The following CTNNA2 variants were observed in gnomAD, a reference collection of about 807,000 sequenced individuals.
The protein encoded by CTNNA2 is catenin alpha-2.
In CTNNA2, 42 loss-of-function variants were observed where a neutral mutation model predicts 101.0. The ratio of observed to expected loss-of-function variants is 0.42; its 90% CI spans 0.32 to 0.54. The LOEUF is 0.54. Ranked by LOEUF, CTNNA2 falls within the 20% of genes least tolerant of loss-of-function variation. CTNNA2 has a pLI of 0.14. For synonymous variants in CTNNA2, 450 were observed against 456.4 expected (o/e 0.99, Z 0.18); for missense variants, 871 against 1,223.1 (o/e 0.71, Z 4.29).
At chr2:80,459,932 C>A (rs1177390536) in intron 9 of CTNNA2, among the ~76,000 whole-genome samples, 1 of 152,190 alleles carries the variant, frequency 6.6e-6, no homozygotes, top group Non-Finnish European at 1.5e-5. Flanking sequence ...TCATAGTGTT[C>A]AATTTCCTGG....
chr2:79,246,430 T>C (rs1315361518), intron 2 of CTNNA2, among the ~76,000 whole-genome samples: 2 of 152,224 alleles, frequency 1.3e-5, no homozygotes, highest in Non-Finnish European at 2.9e-5. Context: ...GCATTTTCTG[T>C]ATATGATAGG....
chr2:79,586,541 C>G (rs1676503697), intron 1 of CTNNA2, among the ~76,000 whole-genome samples: 1 of 148,808 alleles, frequency 6.7e-6, no homozygotes, highest in South Asian at 2.1e-4. Context: ...TTTTTTAGCA[C>G]TTTTTCTTTT....
At chr2:80,609,935 C>G (rs577745051) in intron 17 of CTNNA2, among the ~76,000 whole-genome samples, 2 of 151,754 alleles carry the variant, frequency 1.3e-5, no homozygotes, top group South Asian at 4.1e-4. Flanking sequence ...TAGTCCAAAC[C>G]ATCACTGGCT....
chr2:79,382,904 A>G (rs190556585), intron 4 of CTNNA2, among the ~76,000 whole-genome samples: 233 of 152,232 alleles, frequency 1.5e-3, no homozygotes, highest in African/African-American at 3.3e-3. Flanking sequence ...GTGAGCCACC[A>G]CGCCCAGCCA....
intron 7 of CTNNA2, among the ~76,000 whole-genome samples, chr2:80,149,774 T>TCA (rs10595115): frequency 0.062 from 8,936 of 143,272 alleles, 243 homozygotes; most frequent in Middle Eastern, 0.13. Flanking sequence ...TTAGAATGGA[T>TCA]CACACACACA....
At chr2:79,804,591 A>T (rs1489476467) in intron 3 of CTNNA2, among the ~76,000 whole-genome samples, 1 of 152,176 alleles carries the variant, frequency 6.6e-6, no homozygotes, top group African/African-American at 2.4e-5. Context: ...TTATAGTTTG[A>T]CTTAATCTGT....
chr2:80,559,408 C>G (rs1693346443), intron 12 of CTNNA2, among the ~76,000 whole-genome samples: 1 of 152,132 alleles, frequency 6.6e-6, no homozygotes, highest in South Asian at 2.1e-4. Context: ...CCCACTTTAC[C>G]ACTTGGCTGC....
chr2:79,822,150 G>A (rs1025465550), intron 3 of CTNNA2, among the ~76,000 whole-genome samples: 13 of 151,092 alleles, frequency 8.6e-5, no homozygotes, highest in African/African-American at 3.2e-4. Flanking sequence ...GAATTCTTTT[G>A]TCAGTTACTT....
intron 3 of CTNNA2, among the ~76,000 whole-genome samples, chr2:79,344,829 A>C (rs1013371705): frequency 6.9e-6 from 1 of 145,764 alleles, no homozygotes; most frequent in Non-Finnish European, 1.5e-5. Context: ...TATAATATAT[A>C]ATATATATAA....
intron 7 of CTNNA2, among the ~76,000 whole-genome samples, chr2:80,338,302 CTT>C (rs551404160): frequency 3.7e-5 from 5 of 134,188 alleles, no homozygotes; most frequent in Non-Finnish European, 4.8e-5. Context: ...TTTTCTTTTT[CTT>C]TTTTTTTTTT....
chr2:79,308,210 A>C (rs948977530), intron 2 of CTNNA2, among the ~76,000 whole-genome samples: 3 of 151,932 alleles, frequency 2.0e-5, no homozygotes, highest in African/African-American at 7.3e-5. Flanking sequence ...ATGCCTGGCT[A>C]ATTTTTTCTA....
chr2:79,924,401 C>T (rs1414760907), intron 7 of CTNNA2, among the ~76,000 whole-genome samples: 1 of 152,068 alleles, frequency 6.6e-6, no homozygotes, highest in East Asian at 1.9e-4. Context: ...TGAAATCCAG[C>T]TTTCAGAATA....
chr2:79,271,463 T>C (rs998040026), intron 2 of CTNNA2, among the ~76,000 whole-genome samples: 2 of 152,078 alleles, frequency 1.3e-5, no homozygotes, highest in African/African-American at 4.8e-5. Flanking sequence ...GGACAGAAGT[T>C]GGGGAATCAG....
intron 2 of CTNNA2, among the ~76,000 whole-genome samples, chr2:79,733,340 C>T (rs1182471659): frequency 6.6e-6 from 1 of 151,978 alleles, no homozygotes; most frequent in Non-Finnish European, 1.5e-5. Context: ...TTTTTTCAGC[C>T]TCATAACTAG....
intron 7 of CTNNA2, among the ~76,000 whole-genome samples, chr2:80,065,704 C>G (rs1462345951): frequency 1.3e-5 from 2 of 152,262 alleles, no homozygotes; most frequent in Middle Eastern, 3.4e-3. Flanking sequence ...TACCTCATTT[C>G]TCCATACCTT....
intron 7 of CTNNA2, among the ~76,000 whole-genome samples, chr2:80,327,610 G>T (rs1249739960): frequency 6.6e-6 from 1 of 152,132 alleles, no homozygotes; most frequent in Non-Finnish European, 1.5e-5. Context: ...GTGAGCTGAC[G>T]CTGCAAATAC....
At chr2:80,530,315 A>G (rs1056752851) in intron 9 of CTNNA2, among the ~76,000 whole-genome samples, 2 of 152,178 alleles carry the variant, frequency 1.3e-5, no homozygotes, top group African/African-American at 2.4e-5. Flanking sequence ...AGCTGTTGCA[A>G]TTGCAGCCCT....
At chr2:80,117,440 G>C (rs1701586252) in intron 7 of CTNNA2, among the ~76,000 whole-genome samples, 1 of 132,004 alleles carries the variant, frequency 7.6e-6, no homozygotes, top group Non-Finnish European at 1.6e-5. Context: ...ATTCAGCATA[G>C]ATGGTTCCTG....
intron 18 of CTNNA2, among the ~76,000 whole-genome samples, chr2:80,624,103 A>C (rs2149813421): frequency 6.6e-6 from 1 of 152,118 alleles, no homozygotes; most frequent in African/African-American, 2.4e-5. Flanking sequence ...GAGTTAATGA[A>C]GATTGAAGCT....
Sources: allele counts gnomAD v4.1 joint callset (sites outside exome capture counted in the v4.1 genomes callset), GRCh38; gene constraint gnomAD v4.1.1; transcripts MANE v1.5; gene names NCBI Gene and HGNC (gene_info 2026-07-23, HGNC 2026-07-21).